Variants in FRMPD4 observed in about 807,000 individuals in gnomAD.
FRMPD4 encodes FERM and PDZ domain-containing protein 4.
FRMPD4 carries 22 observed loss-of-function variants against 94.1 expected under a neutral mutation model. That is an observed-to-expected ratio of 0.23 (90% CI 0.17 to 0.33). The LOEUF (loss-of-function observed/expected upper bound fraction) is 0.33. FRMPD4 is among the 10% of genes least tolerant of loss of function. The probability of loss-of-function intolerance (pLI) is 1.00; values close to 1 mark genes in which losing one functional copy is unlikely to be tolerated. For synonymous variants in FRMPD4, 631 were observed against 548.6 expected (o/e 1.15, Z -2.10); for missense variants, 1,111 against 1,339.9 (o/e 0.83, Z 2.67).
rs1420294618 is a variant in FRMPD4, at chrX:12,721,396, C to A, written c.4827C>A (p.Ala1609=). The part of the protein sequence containing the change: ...TYAMPDGFLA[A]QNDANELLCL... ...CAATGCCTGATGGGTTCCTTGCAGC[C>A]CAAAATGATGCCAATGAGCTGCTCT... The change falls in exon 17 of 17, where the codon GCC becomes GCA. Residue 1609 remains alanine, a synonymous_variant. Coordinates refer to ENST00000675598, the MANE Select transcript of FRMPD4 (RefSeq NM_001368397.1). The A allele has an allele frequency of 5.3e-6, 4 of 752,645 alleles. No individual in the cohort carries two copies. Among genetic ancestry groups the A allele is most frequent in the Non-Finnish European group, 6.3e-6 (4 of 637,874 alleles). 62.0% of individuals were successfully genotyped at this position (752,645 alleles called of 1,213,427 possible).
chrX:12,314,126 GTGTT>G (rs1478296196), intron 1 of FRMPD4, among the ~76,000 whole-genome samples: 3 of 112,600 alleles, frequency 2.7e-5, no homozygotes, highest in African/African-American at 9.7e-5. Flanking sequence ...AAAACTGAAA[GTGTT>G]TGTTCAATCA....
At chrX:12,637,016 G>A (rs2059449168) in intron 4 of FRMPD4, among the ~76,000 whole-genome samples, 1 of 112,133 alleles carries the variant, frequency 8.9e-6, no homozygotes, top group African/African-American at 3.2e-5. Context: ...TCCTTTTAGT[G>A]GGAAATGATA....
chrX:12,295,200 G>A (rs928183116), intron 1 of FRMPD4, among the ~76,000 whole-genome samples: 4 of 112,425 alleles, frequency 3.6e-5, no homozygotes, highest in African/African-American at 9.7e-5. Context: ...CCTGCTCACT[G>A]TATCCCTGCA....
intron 3 of FRMPD4, among the ~76,000 whole-genome samples, chrX:11,979,835 G>T (rs775013540): frequency 9.0e-6 from 1 of 111,139 alleles, no homozygotes; most frequent in South Asian, 3.8e-4. Context: ...TCTCTTTTGG[G>T]TGACTTCTGA....
chrX:12,364,266 G>C (rs1018082627), intron 1 of FRMPD4, among the ~76,000 whole-genome samples: 1 of 111,362 alleles, frequency 9.0e-6, no homozygotes, highest in Admixed American at 9.6e-5. Context: ...CAAGAGGAGG[G>C]GGTCTATTAC....
chrX:12,453,556 C>T (rs776379099), intron 1 of FRMPD4, among the ~76,000 whole-genome samples: 3 of 111,379 alleles, frequency 2.7e-5, no homozygotes, highest in African/African-American at 9.8e-5. Flanking sequence ...TTTTCATTAG[C>T]GTATCATCCC....
At chrX:11,832,148 G>A (rs998755933) in intron 1 of FRMPD4, among the ~76,000 whole-genome samples, 1 of 111,364 alleles carries the variant, frequency 9.0e-6, no homozygotes, top group African/African-American at 3.3e-5. Flanking sequence ...GTTCTGTTAC[G>A]TTATTGCTGA....
chrX:11,881,020 T>C (rs2053810980), intron 3 of FRMPD4, among the ~76,000 whole-genome samples: 1 of 112,395 alleles, frequency 8.9e-6, no homozygotes, highest in Non-Finnish European at 1.9e-5. Context: ...AAATATTTAC[T>C]GAGAACCTAC....
chrX:11,856,029 G>A (rs1452881765), intron 1 of FRMPD4, among the ~76,000 whole-genome samples: 3 of 112,127 alleles, frequency 2.7e-5, no homozygotes, highest in Middle Eastern at 4.6e-3. Context: ...CCACACAGCT[G>A]GGAAGGCCTT....
intron 3 of FRMPD4, among the ~76,000 whole-genome samples, chrX:12,114,176 AAT>A (rs1289832497): frequency 8.9e-6 from 1 of 111,931 alleles, no homozygotes; most frequent in African/African-American, 3.2e-5. Context: ...GCCTTTCTGC[AAT>A]ATGTTTTCCT....
chrX:12,665,871 G>A (rs1602286677), intron 4 of FRMPD4, among the ~76,000 whole-genome samples: 1 of 111,445 alleles, frequency 9.0e-6, no homozygotes, highest in East Asian at 2.8e-4. Context: ...ATCAACTAAT[G>A]GGCAAAATAA....
chrX:12,316,547 T>G (rs1170835362), intron 1 of FRMPD4, among the ~76,000 whole-genome samples: 1 of 112,338 alleles, frequency 8.9e-6, no homozygotes, highest in Non-Finnish European at 1.9e-5. Context: ...ATAGCTTTTA[T>G]TAAATTCAAC....
chrX:12,199,632 T>C (rs1382842493), intron 1 of FRMPD4, among the ~76,000 whole-genome samples: 4 of 111,884 alleles, frequency 3.6e-5, no homozygotes, highest in East Asian at 2.8e-4. Flanking sequence ...CAGCAAGATA[T>C]TAGAAACCAA....
intron 1 of FRMPD4, chrX:12,341,564 G>A: frequency 3.1e-6 from 1 of 319,589 alleles, no homozygotes; most frequent in South Asian, 2.8e-5. Context: ...TTATGAGACA[G>A]GCATTAGTGT....
In FRMPD4 at chrX:12,483,902, A is replaced by G. The variant is rs190029194; in HGVS notation, c.42-14778A>G. Among the ~76,000 whole-genome samples the G allele has an allele frequency of 3.6e-3, 406 of 112,031 alleles. 1 individual carries two copies. The highest frequency in any genetic ancestry group is 6.0e-3 in the Non-Finnish European group (321 of 53,163). ...GGAAAATCAAGTGAAAGACAATGCT[A>G]TATCCCTAAGTATTAACTTTAAGTA... On this transcript the variant is annotated intron_variant, in intron 1 of 16. Coordinates refer to ENST00000675598, the MANE Select transcript of FRMPD4 (RefSeq NM_001368397.1).
At chrX:12,661,427 C>T (rs756463937) in intron 4 of FRMPD4, among the ~76,000 whole-genome samples, 1 of 111,980 alleles carries the variant, frequency 8.9e-6, no homozygotes, top group African/African-American at 3.2e-5. Flanking sequence ...GAAACAATAT[C>T]TATAGAATTG....
chrX:11,860,830 G>A lies in FRMPD4; in HGVS notation c.-160-4256G>A, dbSNP rs187937685. Among the ~76,000 whole-genome samples, 89 of 111,779 alleles carry A rather than the reference G, an allele frequency of 8.0e-4. 1 individual carries two copies. The highest frequency in any genetic ancestry group is 2.7e-3 in the African/African-American group (82 of 30,835). On this transcript the variant is annotated intron_variant, in intron 1 of 18. Coordinates refer to the FRMPD4 transcript ENST00000640291. ...GTGGGATGAGTTTTAAGGGCTTTCT[G>A]TAAATCTCACATTCCTTATTATCCT...
At chrX:11,872,240 A>G (rs988665496) in intron 2 of FRMPD4, among the ~76,000 whole-genome samples, 2 of 112,229 alleles carry the variant, frequency 1.8e-5, no homozygotes, top group Non-Finnish European at 3.8e-5. Flanking sequence ...TCATGGTTAG[A>G]CAGGTTTTTG....
intron 3 of FRMPD4, among the ~76,000 whole-genome samples, chrX:11,987,172 C>G (rs1225374093): frequency 1.1e-5 from 1 of 92,755 alleles, no homozygotes; most frequent in Admixed American, 1.2e-4. Context: ...ATGCAAAAAC[C>G]TCAACAAAAT....
Sources: gnomAD v4.1 joint callset for allele counts (sites outside exome capture counted in the v4.1 genomes callset) on GRCh38, gnomAD v4.1.1 for gene constraint, MANE v1.5 for transcripts, NCBI Gene and HGNC (gene_info 2026-07-23, HGNC 2026-07-21) for gene names.